SLC9A1: variants seen among roughly 807,000 people sequenced by gnomAD.
The protein encoded by SLC9A1 is solute carrier family 9 member A1.
A neutral mutation model predicts 67.9 loss-of-function variants in SLC9A1; 22 were observed. The ratio of observed to expected loss-of-function variants is 0.32; its 90% confidence interval spans 0.23 to 0.46. The LOEUF (loss-of-function observed/expected upper bound fraction) is 0.46, where lower values mean the gene tolerates loss of function less well. Ranked by LOEUF, SLC9A1 falls within the 20% of genes least tolerant of loss-of-function variation. The pLI is 1.00. For synonymous variants in SLC9A1, 421 were observed against 471.8 expected (o/e 0.89, Z 1.40); for missense variants, 686 against 1,094.8 (o/e 0.63, Z 5.27).
intron 1 of SLC9A1, among the ~76,000 whole-genome samples, chr1:27,123,889 C>T (rs1421111816): frequency 2.0e-5 from 3 of 151,828 alleles, no homozygotes; most frequent in South Asian, 2.1e-4. Context: ...GGCAGTGGCA[C>T]GATCTTGGCT....
chr1:27,100,847 C>T lies in SLC9A1; in HGVS notation c.2111-203G>A, dbSNP rs2083137758. Among the ~76,000 whole-genome samples the T allele has an allele frequency of 6.6e-6, 1 of 152,242 alleles. No individual in the cohort carries two copies. Among genetic ancestry groups the T allele is most frequent in the African/African-American group, 2.4e-5 (1 of 41,476 alleles). The stretch of plus-strand genomic sequence containing the variant: ...CTGTGGCCCTCTCCTTTGACAGGGG[C>T]TCCCAGAGGTGTCCCTCCACAGGCC... On this transcript the variant is annotated intron_variant, in intron 11 of 11. Coordinates refer to ENST00000263980, the MANE Select transcript of SLC9A1 (RefSeq NM_003047.5). The surrounding 1 kb of genome is among the most constrained non-coding windows in gnomAD (Gnocchi z 5.6).
chr1:27,105,484 G>A (rs1437872381), intron 5 of SLC9A1: 2 of 542,816 alleles, frequency 3.7e-6, no homozygotes, highest in Non-Finnish European at 6.7e-6. Flanking sequence ...TTTTAGTAGA[G>A]ACGGGGTTTC....
At chr1:27,135,844 C>T (rs2083417418) in intron 1 of SLC9A1, among the ~76,000 whole-genome samples, 1 of 152,196 alleles carries the variant, frequency 6.6e-6, no homozygotes, top group Non-Finnish European at 1.5e-5. Context: ...GCAAAAGCAG[C>T]CAGACACACA....
At chr1:27,125,659 A>G (rs1167261942) in intron 1 of SLC9A1, among the ~76,000 whole-genome samples, 4 of 151,658 alleles carry the variant, frequency 2.6e-5, no homozygotes, top group African/African-American at 4.8e-5. Flanking sequence ...CAGTGGCGCA[A>G]TCTTGGCTCA....
intron 1 of SLC9A1, among the ~76,000 whole-genome samples, chr1:27,123,670 C>T (rs1249519179): frequency 1.3e-5 from 2 of 149,360 alleles, no homozygotes; most frequent in East Asian, 4.0e-4. Context: ...ACCACCACAC[C>T]TGGCTAATTT....
In SLC9A1 at chr1:27,114,197, C is replaced by T. The variant is rs1428599805; in HGVS notation, c.442G>A (p.Gly148Ser). 6.2e-7 allele frequency: 1 copy of T among 1,614,142 alleles called. No individual in the cohort carries two copies. Among genetic ancestry groups the T allele is most frequent in the Non-Finnish European group, 8.5e-7 (1 of 1,180,008 alleles). Residue 148 changes from glycine (G) to serine (S), a missense_variant, in exon 2 of 12, where the codon GGT (glycine) becomes AGT (serine). Physicochemically the swap from Gly to Ser is moderately conservative, Grantham distance 56. This residue lies in a region of SLC9A1 where 29 missense variants were observed against 71.9 expected (regional missense o/e 0.40). Coordinates refer to ENST00000263980, the MANE Select transcript of SLC9A1 (RefSeq NM_003047.5). The surrounding 1 kb of genome is among the most constrained non-coding windows in gnomAD (Gnocchi z 5.4). ...VGLLVGGLIK[G>S]VGETPPFLQS... Reference sequence around the variant, plus strand: ...AGGAAGGGGGGTGTCTCGCCTACACCCTTGATCAGGCCCCCCACCAGCAGC... The same window carrying T: ...AGGAAGGGGGGTGTCTCGCCTACACTCTTGATCAGGCCCCCCACCAGCAGC...
chr1:27,122,781 G>C (rs1342667525), intron 1 of SLC9A1, among the ~76,000 whole-genome samples: 1 of 152,210 alleles, frequency 6.6e-6, no homozygotes, highest in Non-Finnish European at 1.5e-5. Context: ...CACTCCAGCA[G>C]ATTGCCCCTC....
rs993546440 is a variant in SLC9A1 at position 27,106,995 on chromosome 1, C to G, written c.1282+653G>C. ...GGCTTCTCCCTGCTGAAGGGCCCAT[C>G]ATGGAAATGGGAAGTCCCTCCTGTC... On this transcript the variant is annotated intron_variant, in intron 4 of 11. Transcript: ENST00000263980. The surrounding 1 kb of genome is among the most constrained non-coding windows in gnomAD (Gnocchi z 4.3). Among the ~76,000 whole-genome samples the G allele has an allele frequency of 2.6e-5, 4 of 151,654 alleles. No homozygotes were observed. Among genetic ancestry groups the G allele is most frequent in the African/African-American group, 7.3e-5 (3 of 41,192 alleles).
At chr1:27,153,119 AAAG>A (rs746138386) in intron 1 of SLC9A1, among the ~76,000 whole-genome samples, 2 of 152,040 alleles carry the variant, frequency 1.3e-5, no homozygotes, top group East Asian at 3.9e-4. Flanking sequence ...CTTCTCCCCA[AAAG>A]AAGGTTTCAA....
intron 1 of SLC9A1, among the ~76,000 whole-genome samples, chr1:27,116,485 G>A (rs2083273226): frequency 6.6e-6 from 1 of 152,186 alleles, no homozygotes; most frequent in Admixed American, 6.5e-5. Flanking sequence ...AAAAAAAGAT[G>A]TCTCCATCCT....
intron 1 of SLC9A1, among the ~76,000 whole-genome samples, chr1:27,153,050 A>T (rs531920585): frequency 2.0e-5 from 3 of 152,336 alleles, no homozygotes; most frequent in African/African-American, 7.2e-5. Flanking sequence ...TCAGCAGAAC[A>T]GAGTGCTCAG....
chr1:27,131,947 A>AAAAAAAAT, intron 1 of SLC9A1, among the ~76,000 whole-genome samples: 214 of 52,016 alleles, frequency 4.1e-3, no homozygotes, highest in Non-Finnish European at 6.8e-3. Flanking sequence ...AGAAAAAAAA[A>AAAAAAAAT]ATATATATAT....
At chr1:27,125,090 G>A (rs543822856) in intron 1 of SLC9A1, among the ~76,000 whole-genome samples, 8 of 151,934 alleles carry the variant, frequency 5.3e-5, no homozygotes, top group Admixed American at 3.9e-4. Flanking sequence ...AAACCCTGCT[G>A]GTTCTGCCTT....
In SLC9A1 at chr1:27,101,280, CA is replaced by C. The variant is rs2083141667; in HGVS notation, c.2038-6del. 4 of 1,611,324 alleles carry C rather than the reference CA, an allele frequency of 2.5e-6. No homozygotes were observed. In the East Asian group the frequency reaches 8.9e-5, roughly 36 times the overall value. On this transcript the variant is annotated splice_polypyrimidine_tract_variant and splice_region_variant and intron_variant, in intron 10 of 11. Transcript: ENST00000263980. The surrounding 1 kb of genome is among the most constrained non-coding windows in gnomAD (Gnocchi z 4.9). ...CACCGTCAGGTAGTTGTTGATCTGA[CA>C]GAGAGGACAGACGGGGTGAGCACAG...
chr1:27,099,140 T>A lies in SLC9A1; in HGVS notation c.*1167A>T, dbSNP rs2083119675. ...TCCACCAGCCCCAGGGGACAGGGGATCCTCAGGGGAGGCCTTCTCCCCCCC... is the reference window on the plus strand; with the variant it reads ...TCCACCAGCCCCAGGGGACAGGGGAACCTCAGGGGAGGCCTTCTCCCCCCC... On this transcript the variant is annotated 3_prime_UTR_variant, in exon 12 of 12. Coordinates refer to ENST00000263980, the MANE Select transcript of SLC9A1 (RefSeq NM_003047.5). 6.6e-6 allele frequency: 1 copy of A among 152,612 alleles called. No homozygotes were observed. Among genetic ancestry groups the A allele is most frequent in the African/African-American group, 2.4e-5 (1 of 41,442 alleles). The allele number at this position is 152,612 out of a possible 1,614,324, so 9.5% of individuals were successfully genotyped here.
chr1:27,114,342 G>A lies in SLC9A1; in HGVS notation c.353-56C>T. The A allele has an allele frequency of 6.9e-7, 1 of 1,456,986 alleles. No individual in the cohort carries two copies. The highest frequency in any genetic ancestry group is 9.4e-7 in the Non-Finnish European group (1 of 1,058,916). 90.3% of individuals were successfully genotyped at this position (1,456,986 alleles called of 1,614,324 possible). ...GGCTTTCGGAGGAGCCAGGAGAATA[G>A]AAGGTTGGGGATGGGCCGGGGATGA... On this transcript the variant is annotated intron_variant, in intron 1 of 11. Coordinates refer to ENST00000263980, the MANE Select transcript of SLC9A1 (RefSeq NM_003047.5). This position sits in a 1 kb window ranked among gnomAD's most constrained non-coding sequence, Gnocchi z 5.4.
chr1:27,144,713 T>A (rs1408659029), intron 1 of SLC9A1, among the ~76,000 whole-genome samples: 2 of 152,164 alleles, frequency 1.3e-5, no homozygotes, highest in African/African-American at 4.8e-5. Flanking sequence ...CAGGCACAGA[T>A]AAGAAAGTGA....
rs529155005 is a variant in SLC9A1, at chr1:27,153,724, C to T, written c.352+259G>A. Among the ~76,000 whole-genome samples the T allele has an allele frequency of 2.0e-5, 3 of 152,296 alleles. No individual in the cohort carries two copies. In the South Asian group the frequency reaches 6.2e-4, roughly 32 times the overall value. On this transcript the variant is annotated intron_variant, in intron 1 of 11. Coordinates refer to ENST00000263980, the MANE Select transcript of SLC9A1 (RefSeq NM_003047.5). ...AGTCGTGGAAGCCTTACTGAAGGGA[C>T]CTAGGATCAGAGGCATCCCATTCTC...
chr1:27,102,683 AGTG>A lies in SLC9A1; in HGVS notation c.1633_1635del (p.His545del). ...AGGCCTGCCACCTACTTGTCCTTCC[AGTG>A]GTGGTGACCGTAGTGGCCACAGATG... On this transcript the variant is annotated inframe_deletion, in exon 7 of 12. Transcript: ENST00000263980. 1 of 1,613,716 alleles carries A rather than the reference AGTG, an allele frequency of 6.2e-7. No individual in the cohort carries two copies. Among genetic ancestry groups the A allele is most frequent in the Non-Finnish European group, 8.5e-7 (1 of 1,179,932 alleles).
Sources: allele counts gnomAD v4.1 joint callset (sites outside exome capture counted in the v4.1 genomes callset), GRCh38; gene constraint gnomAD v4.1.1; regional missense constraint gnomAD v4.1.1; non-coding constraint Gnocchi (gnomAD v3.1); transcripts MANE v1.5; gene names NCBI Gene and HGNC (gene_info 2026-07-23, HGNC 2026-07-21).